The following GATAD2A variants were observed in gnomAD, a reference collection of about 807,000 sequenced individuals.
GATAD2A encodes the protein transcriptional repressor p66-alpha.
In GATAD2A, 12 loss-of-function variants were observed where a neutral mutation model predicts 68.5. The observed-to-expected ratio is 0.18, with a 90% confidence interval of 0.11 to 0.28. The LOEUF is 0.28. GATAD2A is among the 10% of genes least tolerant of loss of function. GATAD2A has a pLI of 1.00. For missense variants in GATAD2A, 755 were observed against 868.5 expected (o/e 0.87, Z 1.64); for synonymous variants, 410 against 375.3 (o/e 1.09, Z -1.07).
At chr19:19,477,517 G>A (rs1185253882) in intron 2 of GATAD2A, among the ~76,000 whole-genome samples, 3 of 152,088 alleles carry the variant, frequency 2.0e-5, no homozygotes, top group Non-Finnish European at 4.4e-5. Context: ...GTGGTCTGAG[G>A]GCACTCTCTG....
chr19:19,392,248 G>A (rs754270653), intron 1 of GATAD2A, among the ~76,000 whole-genome samples: 16 of 151,502 alleles, frequency 1.1e-4, no homozygotes, highest in Non-Finnish European at 2.2e-4. Flanking sequence ...ACCATGCCCG[G>A]CTAATTTTGT....
chr19:19,467,095 G>T (rs1172593152), intron 2 of GATAD2A, among the ~76,000 whole-genome samples: 1 of 152,260 alleles, frequency 6.6e-6, no homozygotes, highest in Non-Finnish European at 1.5e-5. Context: ...TCAGAGTTCA[G>T]CTGGGCGCGG....
intron 2 of GATAD2A, among the ~76,000 whole-genome samples, chr19:19,489,996 T>G (rs986284528): frequency 6.6e-6 from 1 of 152,138 alleles, no homozygotes; most frequent in Non-Finnish European, 1.5e-5. Flanking sequence ...TTGGGCGGCA[T>G]GGGGCCGGCA....
At chr19:19,457,088 A>T in intron 1 of GATAD2A, 1 of 985,352 alleles carries the variant, frequency 1.0e-6, no homozygotes, top group Non-Finnish European at 1.2e-6. Context: ...TTCAACTCAG[A>T]GCACTCCTAT....
chr19:19,388,152 G>A (rs1279029290), intron 1 of GATAD2A, among the ~76,000 whole-genome samples: 1 of 151,716 alleles, frequency 6.6e-6, no homozygotes, highest in African/African-American at 2.4e-5. Context: ...CCGCCTCCTG[G>A]GTTCAAGCAA....
chr19:19,485,276 A>G (rs1041457138), intron 2 of GATAD2A, among the ~76,000 whole-genome samples: 2 of 152,112 alleles, frequency 1.3e-5, no homozygotes, highest in African/African-American at 4.8e-5. Context: ...TGGCTCCATT[A>G]GCTTAGTGGT....
intron 1 of GATAD2A, among the ~76,000 whole-genome samples, chr19:19,437,783 A>C (rs1360383451): frequency 1.3e-5 from 2 of 152,206 alleles, no homozygotes; most frequent in Non-Finnish European, 2.9e-5. Context: ...ATGATATTCC[A>C]TTATATGGAT....
At chr19:19,492,220 C>A in intron 2 of GATAD2A, 86 bp from the exon 3 acceptor site, 1 of 1,391,254 alleles carries the variant, frequency 7.2e-7, no homozygotes, top group Non-Finnish European at 9.9e-7. Flanking sequence ...ACGGGGAGGT[C>A]TCAGCTCCCT....
At chr19:19,435,182 A>G in intron 1 of GATAD2A, 2 of 524,620 alleles carry the variant, frequency 3.8e-6, no homozygotes, top group Non-Finnish European at 7.9e-6. Flanking sequence ...GTGTGAGCAT[A>G]GTACCTGGAA....
At chr19:19,461,025 G>A (rs956814627) in intron 1 of GATAD2A, among the ~76,000 whole-genome samples, 11 of 152,146 alleles carry the variant, frequency 7.2e-5, no homozygotes, top group Admixed American at 5.2e-4. Context: ...CATTTCGCTC[G>A]TTTTCCAGCA....
chr19:19,500,426 G>A (rs2148481820), intron 8 of GATAD2A, among the ~76,000 whole-genome samples: 1 of 150,870 alleles, frequency 6.6e-6, no homozygotes, highest in Middle Eastern at 3.4e-3. Context: ...TGATGACCAA[G>A]AGCAATTAAG....
chr19:19,469,807 C>A (rs1377940090), intron 2 of GATAD2A, among the ~76,000 whole-genome samples: 1 of 152,072 alleles, frequency 6.6e-6, no homozygotes, highest in Admixed American at 6.5e-5. Flanking sequence ...ATTAGCCAGG[C>A]GTGGTGGCAC....
At chr19:19,421,727 C>CT (rs1006361162) in intron 1 of GATAD2A, among the ~76,000 whole-genome samples, 5 of 152,136 alleles carry the variant, frequency 3.3e-5, no homozygotes, top group Admixed American at 6.5e-5. Flanking sequence ...GGGGCCCCGT[C>CT]TTACTCTGGG....
At chr19:19,458,999 C>T (rs1009297464) in intron 1 of GATAD2A, among the ~76,000 whole-genome samples, 2 of 152,096 alleles carry the variant, frequency 1.3e-5, no homozygotes, top group Admixed American at 1.3e-4. Flanking sequence ...AGAAACATGG[C>T]CTCACTATGT....
intron 2 of GATAD2A, among the ~76,000 whole-genome samples, chr19:19,484,220 G>C (rs1009449275): frequency 2.0e-5 from 3 of 152,170 alleles, no homozygotes; most frequent in African/African-American, 7.2e-5. Context: ...TCGTGCCACT[G>C]TGCTCCAGCG....
rs747033292 is a variant in GATAD2A at position 19,492,715 on chromosome 19, G to T, written c.534+3G>T. ...AAAAGGAAGCCACCGCCCAGAAGGT[G>T]CGTGCCTGTCTCCCCTCCTTCCTGG... On this transcript the variant is annotated splice_donor_region_variant and intron_variant, in intron 4 of 11. Coordinates refer to ENST00000683918, the MANE Select transcript of GATAD2A (RefSeq NM_001384528.1). The T allele has an allele frequency of 4.3e-6, 7 of 1,613,956 alleles. No individual in the cohort carries two copies. Among genetic ancestry groups the T allele is most frequent in the Non-Finnish European group, 5.1e-6 (6 of 1,180,018 alleles).
At chr19:19,407,280 A>G (rs2050389274) in intron 1 of GATAD2A, among the ~76,000 whole-genome samples, 1 of 152,228 alleles carries the variant, frequency 6.6e-6, no homozygotes, top group African/African-American at 2.4e-5. Context: ...CAGTTTGTTA[A>G]CATATGCTAA....
intron 1 of GATAD2A, chr19:19,440,671 G>C (rs1439976162): frequency 6.5e-6 from 1 of 152,936 alleles, no homozygotes; most frequent in Non-Finnish European, 1.5e-5. Context: ...CATCATGTAC[G>C]TGCTTCACAT....
chr19:19,406,088 G>A (rs1403013289), intron 1 of GATAD2A, 69 bp downstream of exon 1: 11 of 152,534 alleles, frequency 7.2e-5, no homozygotes, highest in African/African-American at 2.4e-4. Flanking sequence ...GAGCGGCGCG[G>A]GCCGCGCAGG....
Sources: allele counts gnomAD v4.1 joint callset (sites outside exome capture counted in the v4.1 genomes callset), GRCh38; gene constraint gnomAD v4.1.1; transcripts MANE v1.5; gene names NCBI Gene and HGNC (gene_info 2026-07-23, HGNC 2026-07-21).